Variants in PRH1 observed in about 807,000 individuals in gnomAD.
PRH1 encodes the protein proline rich protein HaeIII subfamily 1.
PRH1 carries 7 observed loss-of-function variants against 7.9 expected under a neutral mutation model. That is an observed-to-expected ratio of 0.89 (90% CI 0.50 to 1.67). The LOEUF (loss-of-function observed/expected upper bound fraction) is 1.67. PRH1 is among the 40% of genes most tolerant of loss of function. PRH1 has a pLI of 0.00. For synonymous variants in PRH1, 45 were observed against 80.8 expected (o/e 0.56, Z 2.38); for missense variants, 109 against 223.6 (o/e 0.49, Z 3.27).
rs764844013 is a variant in PRH1 at position 10,908,847 on chromosome 12, T to C, written c.-58-24572A>G. The C allele has an allele frequency of 8.1e-6, 13 of 1,613,468 alleles. No individual in the cohort carries two copies. The highest frequency in any genetic ancestry group is 4.0e-5 in the African/African-American group (3 of 74,936). On this transcript the variant is annotated intron_variant, in intron 2 of 3. Transcript: ENST00000539853. ...ATATCGGTCCAGCCAGTCTTTTATA[T>C]GCATGTTTATTTGTATCAGATTTAA...
At chr12:10,908,778 G>A (rs975168806) in intron 2 of PRH1, 8 of 1,613,828 alleles carry the variant, frequency 5.0e-6, no homozygotes, top group Admixed American at 1.7e-5. Context: ...CACTGAAAAT[G>A]TTTCAAAGTC....
intron 1 of PRH1, among the ~76,000 whole-genome samples, chr12:11,130,303 G>A (rs745929540): frequency 9.2e-5 from 14 of 152,168 alleles, no homozygotes; most frequent in Non-Finnish European, 2.1e-4. Flanking sequence ...CAACATAGGT[G>A]ATGTTTTAAG....
intron 1 of PRH1, among the ~76,000 whole-genome samples, chr12:11,115,511 G>A: frequency 6.6e-6 from 1 of 152,058 alleles, no homozygotes; most frequent in East Asian, 1.9e-4. Context: ...AATCAACAAA[G>A]AAACATCAGA....
intron 2 of PRH1, among the ~76,000 whole-genome samples, chr12:10,925,307 C>T (rs755796562): frequency 6.6e-6 from 1 of 152,154 alleles, no homozygotes; most frequent in African/African-American, 2.4e-5. Context: ...GACACAGGGG[C>T]ACTCTCAGGC....
At chr12:11,038,154 C>T (rs1325448776) in intron 1 of PRH1, among the ~76,000 whole-genome samples, 1 of 152,254 alleles carries the variant, frequency 6.6e-6, no homozygotes, top group African/African-American at 2.4e-5. Context: ...TGAGAATATG[C>T]TGTATCACCC....
chr12:11,035,743 CT>C (rs1196119700), intron 1 of PRH1, among the ~76,000 whole-genome samples: 1 of 152,122 alleles, frequency 6.6e-6, no homozygotes, highest in Admixed American at 6.5e-5. Flanking sequence ...AGTATCTTAT[CT>C]GTTGCTGGGT....
chr12:10,908,263 G>A, intron 2 of PRH1: 1 of 796,662 alleles, frequency 1.3e-6, no homozygotes, highest in Non-Finnish European at 2.0e-6. Context: ...CATTTACAGT[G>A]ACCTTCACAA....
chr12:11,004,490 G>A (rs1433627065), intron 1 of PRH1, among the ~76,000 whole-genome samples: 1 of 152,046 alleles, frequency 6.6e-6, no homozygotes, highest in Non-Finnish European at 1.5e-5. Flanking sequence ...AGACCACGAA[G>A]TGAGACTGTC....
At chr12:10,947,138 C>T (rs116575332) in intron 2 of PRH1, among the ~76,000 whole-genome samples, 3,008 of 152,184 alleles carry the variant, frequency 0.02, 33 homozygotes, top group South Asian at 0.031. Context: ...TAAAGGTCTA[C>T]CAGATCCATT....
At chr12:11,050,111 T>C (rs1028792905), upstream of PRH1, among the ~76,000 whole-genome samples, 6 of 152,158 alleles carry the variant, frequency 3.9e-5, no homozygotes, top group African/African-American at 1.4e-4. Flanking sequence ...GAGACCCTAA[T>C]CCTGTGGCGC....
intron 1 of PRH1, among the ~76,000 whole-genome samples, chr12:11,151,098 C>T (rs1947066869): frequency 6.6e-6 from 1 of 152,132 alleles, no homozygotes; most frequent in South Asian, 2.1e-4. Flanking sequence ...ATGAGTGCAG[C>T]CTGACTGCAT....
intron 2 of PRH1, among the ~76,000 whole-genome samples, chr12:10,928,124 G>T (rs117553503): frequency 0.01 from 1,544 of 152,248 alleles, 17 homozygotes; most frequent in Middle Eastern, 0.031. Context: ...AAACGACAAG[G>T]TAGTCTCAGC....
intron 2 of PRH1, chr12:10,964,923 G>T: frequency 1.7e-6 from 1 of 594,670 alleles, no homozygotes; most frequent in Non-Finnish European, 3.1e-6. Context: ...ACCACAACAA[G>T]ATGACAAACC....
intron 1 of PRH1, chr12:11,061,673 T>C: frequency 5.0e-6 from 8 of 1,614,124 alleles, no homozygotes; most frequent in Non-Finnish European, 5.9e-6. Flanking sequence ...AGCTGCATCT[T>C]TTTGAGATGT....
intron 1 of PRH1, among the ~76,000 whole-genome samples, chr12:11,067,441 G>C (rs1244742965): frequency 3.3e-5 from 4 of 119,924 alleles, no homozygotes; most frequent in Non-Finnish European, 6.0e-5. Context: ...AATTAAATTG[G>C]AAATAAGAAA....
At chr12:11,137,918 T>C (rs1946601281) in intron 1 of PRH1, among the ~76,000 whole-genome samples, 1 of 152,144 alleles carries the variant, frequency 6.6e-6, no homozygotes, top group Admixed American at 6.5e-5. Context: ...GTTTTTTAAG[T>C]ACTAGACTTC....
chr12:10,983,796 G>A (rs192468704), intron 1 of PRH1, among the ~76,000 whole-genome samples: 2 of 152,242 alleles, frequency 1.3e-5, no homozygotes, highest in East Asian at 3.9e-4. Flanking sequence ...GTCATCAGCA[G>A]AGTCATATCA....
chr12:10,920,164 G>T (rs1380203683), intron 2 of PRH1, among the ~76,000 whole-genome samples: 1 of 151,838 alleles, frequency 6.6e-6, no homozygotes, highest in Non-Finnish European at 1.5e-5. Context: ...AACATGCTGG[G>T]ATTACAAGTA....
At chr12:11,022,218 A>C in intron 1 of PRH1, 1 of 1,614,134 alleles carries the variant, frequency 6.2e-7, no homozygotes, top group Non-Finnish European at 8.5e-7. Flanking sequence ...TTAGGTGGAG[A>C]GAAATAAGGT....
Sources: allele counts gnomAD v4.1 joint callset (sites outside exome capture counted in the v4.1 genomes callset), GRCh38; gene constraint gnomAD v4.1.1; transcripts MANE v1.5; gene names NCBI Gene and HGNC (gene_info 2026-07-23, HGNC 2026-07-21).